SGCD: variants seen among roughly 807,000 people sequenced by gnomAD.
SGCD encodes the protein delta-sarcoglycan.
SGCD carries 18 observed loss-of-function variants against 36.6 expected under a neutral mutation model. The ratio of observed to expected loss-of-function variants is 0.49; its 90% CI spans 0.34 to 0.73. The LOEUF (loss-of-function observed/expected upper bound fraction) is 0.73. Among genes scored for constraint, SGCD ranks in the 30% least tolerant of loss-of-function variants. The pLI, the probability that SGCD is intolerant of heterozygous loss-of-function variation, is 0.01. For missense variants in SGCD, 387 were observed against 346.7 expected, an observed-to-expected ratio of 1.12 and a Z score of -0.92; for synonymous variants, 133 against 130.6, an observed-to-expected ratio of 1.02 and a Z score of -0.12.
At chr5:156,069,505 C>T (rs148284575) in intron 1 of SGCD, among the ~76,000 whole-genome samples, 2,890 of 152,108 alleles carry the variant, frequency 0.019, 100 homozygotes, top group African/African-American at 0.065. Flanking sequence ...GTACCAGTAC[C>T]GTGCTGTTTT....
chr5:156,360,511 G>T (rs777100494), intron 3 of SGCD, among the ~76,000 whole-genome samples: 1 of 152,160 alleles, frequency 6.6e-6, no homozygotes, highest in Non-Finnish European at 1.5e-5. Context: ...GCCTCCCAAA[G>T]TGCTGGAATT....
intron 3 of SGCD, among the ~76,000 whole-genome samples, chr5:156,357,196 G>GTGCC (rs1057438078): frequency 3.2e-4 from 49 of 152,264 alleles, no homozygotes; most frequent in Admixed American, 2.7e-3. Context: ...ACAATGTTAA[G>GTGCC]TGCCTGGCTT....
chr5:156,033,246 T>A (rs1759398388), intron 1 of SGCD, among the ~76,000 whole-genome samples: 1 of 152,028 alleles, frequency 6.6e-6, no homozygotes, highest in Non-Finnish European at 1.5e-5. Context: ...ATTAAAAAAA[T>A]TTTAATATAT....
the SGCD span, among the ~76,000 whole-genome samples, chr5:155,765,162 C>T: frequency 6.6e-6 from 1 of 151,652 alleles, no homozygotes; most frequent in Admixed American, 6.6e-5. Context: ...ACCTGTTAGT[C>T]CAAGTTACTT....
At chr5:155,846,655 C>G in the SGCD span, among the ~76,000 whole-genome samples, 1 of 152,182 alleles carries the variant, frequency 6.6e-6, no homozygotes, top group Non-Finnish European at 1.5e-5. Context: ...TTCACTTAGC[C>G]TATAAACCCA....
intron 1 of SGCD, among the ~76,000 whole-genome samples, chr5:156,003,818 C>G (rs1419387038): frequency 6.6e-6 from 1 of 152,122 alleles, no homozygotes; most frequent in African/African-American, 2.4e-5. Flanking sequence ...TTTCCCATTA[C>G]TGTTATAAGG....
chr5:155,929,976 A>G (rs947398874), intron 1 of SGCD, among the ~76,000 whole-genome samples: 1 of 152,118 alleles, frequency 6.6e-6, no homozygotes, highest in Non-Finnish European at 1.5e-5. Flanking sequence ...TGTCTCCTCA[A>G]TGCATAATTT....
chr5:155,940,893 G>A (rs111529322), intron 1 of SGCD, among the ~76,000 whole-genome samples: 10 of 152,066 alleles, frequency 6.6e-5, no homozygotes, highest in Non-Finnish European at 1.5e-4. Context: ...ACATTAACTA[G>A]TGTTATTATA....
chr5:156,431,461 C>A (rs1421933212), intron 3 of SGCD, among the ~76,000 whole-genome samples: 1 of 152,058 alleles, frequency 6.6e-6, no homozygotes, highest in East Asian at 1.9e-4. Flanking sequence ...GAACAAGGAC[C>A]CCTTCTCCAA....
At chr5:156,406,819 T>TAC (rs58920671) in intron 3 of SGCD, among the ~76,000 whole-genome samples, 39 of 104,318 alleles carry the variant, frequency 3.7e-4, no homozygotes, top group Non-Finnish European at 5.9e-4. Flanking sequence ...TATATATATA[T>TAC]ACACACACAC....
At chr5:156,280,476 G>A (rs578262605) in intron 3 of SGCD, among the ~76,000 whole-genome samples, 1 of 152,302 alleles carries the variant, frequency 6.6e-6, no homozygotes, top group South Asian at 2.1e-4. Flanking sequence ...TTATGTATCA[G>A]AAGACCTCCT....
rs185391620 is a variant in SGCD, at chr5:156,072,657, C to T, written c.-281-45221C>T. On this transcript the variant is annotated intron_variant, in intron 1 of 9. Coordinates refer to the SGCD transcript ENST00000517913. ...TATCTTTGTGGTGTTCTCTGTATTTCCTGAATCTGAATGTTGGCCTGCCTT... is the reference window on the plus strand; with the variant it reads ...TATCTTTGTGGTGTTCTCTGTATTTTCTGAATCTGAATGTTGGCCTGCCTT... Among the ~76,000 whole-genome samples the T allele has an allele frequency of 6.7e-3, 1,021 of 152,188 alleles. 6 individuals are homozygous for T. Among genetic ancestry groups the T allele is most frequent in the African/African-American group, 0.023 (944 of 41,492 alleles).
chr5:156,608,643 G>T (rs568765258), intron 6 of SGCD, among the ~76,000 whole-genome samples: 51 of 152,274 alleles, frequency 3.3e-4, no homozygotes, highest in Non-Finnish European at 1.5e-4. Context: ...TGACAGTGGG[G>T]TGTTAAAGTC....
chr5:156,494,178 C>T (rs1477106190), intron 3 of SGCD, among the ~76,000 whole-genome samples: 2 of 152,024 alleles, frequency 1.3e-5, no homozygotes, highest in African/African-American at 2.4e-5. Flanking sequence ...GTTCCAGGCA[C>T]CACATGAAGC....
intron 3 of SGCD, among the ~76,000 whole-genome samples, chr5:156,248,787 T>C (rs1241849485): frequency 6.6e-6 from 1 of 152,146 alleles, no homozygotes; most frequent in African/African-American, 2.4e-5. Flanking sequence ...GAGATAAAGA[T>C]GGATTAAACA....
At chr5:156,381,083 A>G (rs1489328137) in intron 3 of SGCD, among the ~76,000 whole-genome samples, 2 of 152,182 alleles carry the variant, frequency 1.3e-5, no homozygotes, top group Non-Finnish European at 2.9e-5. Flanking sequence ...AAAGACAAAA[A>G]CATCTCAGGA....
intron 3 of SGCD, among the ~76,000 whole-genome samples, chr5:156,362,381 C>A (rs1422786410): frequency 6.6e-6 from 1 of 152,194 alleles, no homozygotes; most frequent in Non-Finnish European, 1.5e-5. Context: ...CACGTGGTGG[C>A]TCATGCCTGT....
At chr5:156,007,034 T>C (rs1294284392) in intron 1 of SGCD, among the ~76,000 whole-genome samples, 1 of 152,228 alleles carries the variant, frequency 6.6e-6, no homozygotes, top group Non-Finnish European at 1.5e-5. Context: ...CACCTTGAAA[T>C]CGTTTCATAG....
At chr5:156,375,000 C>T (rs1055190980) in intron 3 of SGCD, among the ~76,000 whole-genome samples, 11 of 151,942 alleles carry the variant, frequency 7.2e-5, no homozygotes, top group Non-Finnish European at 1.3e-4. Context: ...TTTTGTTTTG[C>T]GTGTGTGTGT....
Sources: allele counts gnomAD v4.1 joint callset (sites outside exome capture counted in the v4.1 genomes callset), GRCh38; gene constraint gnomAD v4.1.1; transcripts MANE v1.5; gene names NCBI Gene and HGNC (gene_info 2026-07-23, HGNC 2026-07-21).